The following PAX2 variants were observed in gnomAD, a reference collection of about 807,000 sequenced individuals.
The protein encoded by PAX2 is paired box protein Pax-2.
PAX2 carries 9 observed loss-of-function variants against 41.7 expected under a neutral mutation model. The observed-to-expected ratio is 0.22, with a 90% CI of 0.13 to 0.38. The LOEUF (loss-of-function observed/expected upper bound fraction) is 0.38. Ranked by LOEUF, PAX2 falls within the 10% of genes least tolerant of loss-of-function variation. The pLI, the probability that PAX2 is intolerant of heterozygous loss-of-function variation, is 1.00. For synonymous variants in PAX2, 221 were observed against 212.7 expected (o/e 1.04, Z -0.34); for missense variants, 418 against 531.6 (o/e 0.79, Z 2.10).
chr10:100,749,622 C>G lies in PAX2; in HGVS notation c.44-124C>G, dbSNP rs1324954568. ...CGTGGAGGTCCACCACCTTTCTTCT[C>G]AAGCTCGGGAACATGCCCTTCCGCC... On this transcript the variant is annotated intron_variant, in intron 1 of 9. Transcript: ENST00000355243. 3 of 1,471,584 alleles carry G rather than the reference C, an allele frequency of 2.0e-6. No individual in the cohort carries two copies. The African/African-American group carries it at 4.2e-5, about 21-fold the overall frequency. The allele number at this position is 1,471,584 out of a possible 1,614,324, so 91.2% of individuals were successfully genotyped here. A position where few individuals can be genotyped will look rare whatever the true frequency, so the allele number is the denominator to read the frequency against.
intron 3 of PAX2, among the ~76,000 whole-genome samples, chr10:100,775,037 C>T (rs1052590269): frequency 1.3e-5 from 2 of 152,198 alleles, no homozygotes; most frequent in Non-Finnish European, 2.9e-5. Context: ...AGCAGGCACC[C>T]TGGCAGGGCA....
In PAX2 at chr10:100,779,478, C is replaced by G; in HGVS notation, c.411-20C>G. ...AGGAGTGGGCATTTGATGTGTGATGCTGTTGTGACGCTGTTGCAGAATCAT... is the reference window on the plus strand; with the variant it reads ...AGGAGTGGGCATTTGATGTGTGATGGTGTTGTGACGCTGTTGCAGAATCAT... On this transcript the variant is annotated intron_variant, in intron 3 of 9. Coordinates refer to ENST00000355243, the MANE Select transcript of PAX2 (RefSeq NM_000278.5). 6.4e-7 allele frequency: 1 copy of G among 1,567,376 alleles called. No individual in the cohort carries two copies. The highest frequency in any genetic ancestry group is 8.7e-7 in the Non-Finnish European group (1 of 1,153,080).
intron 5 of PAX2, among the ~76,000 whole-genome samples, chr10:100,799,789 C>CTTTTTTTTTTTTTTT (rs56012188): frequency 2.2e-5 from 2 of 89,896 alleles, no homozygotes; most frequent in Admixed American, 1.3e-4. Context: ...TAGTGTAATT[C>CTTTTTTTTTTTTTTT]TTTTTTTTTT....
intron 1 of PAX2, among the ~76,000 whole-genome samples, chr10:100,738,376 C>T (rs1844842260): frequency 6.6e-6 from 1 of 152,190 alleles, no homozygotes; most frequent in Admixed American, 6.5e-5. Flanking sequence ...CTGCTTAGGG[C>T]AAAGGGAGAG....
Position 100,745,986 on chromosome 10 carries a change from G to A in PAX2, c.-275G>A. ...TGCGCCCCCAGTGCACCCCGGCCCGGCCCACCGCCCCGGGGCCATTCTGCT... is the reference window on the plus strand; with the variant it reads ...TGCGCCCCCAGTGCACCCCGGCCCGACCCACCGCCCCGGGGCCATTCTGCT... On this transcript the variant is annotated 5_prime_UTR_variant, in exon 1 of 10. Coordinates refer to ENST00000355243, the MANE Select transcript of PAX2 (RefSeq NM_000278.5). 2 of 1,341,964 alleles carry A rather than the reference G, an allele frequency of 1.5e-6. No individual in the cohort carries two copies. Among genetic ancestry groups the A allele is most frequent in the Non-Finnish European group, 1.9e-6 (2 of 1,051,362 alleles). The allele number at this position is 1,341,964 out of a possible 1,614,324, so 83.1% of individuals were successfully genotyped here.
In PAX2 at chr10:100,826,556, T is replaced by C. The variant is rs1373105582; in HGVS notation, c.1022-453T>C. On this transcript the variant is annotated intron_variant, in intron 8 of 9. Transcript: ENST00000355243. This position sits in a 1 kb window ranked among gnomAD's most constrained non-coding sequence, Gnocchi z 5.5. Reference sequence around the variant, plus strand: ...TGGCACTGCACATTGATGCCATTCTTAGGACTTTCTGGGAGAAAAATGTCC... The same window carrying C: ...TGGCACTGCACATTGATGCCATTCTCAGGACTTTCTGGGAGAAAAATGTCC... 6.6e-6 allele frequency among the ~76,000 whole-genome samples: 1 copy of C among 152,206 alleles called. No homozygotes were observed. Among genetic ancestry groups the C allele is most frequent in the Non-Finnish European group, 1.5e-5 (1 of 68,034 alleles).
chr10:100,806,541 G>C lies in PAX2; in HGVS notation c.728G>C (p.Arg243Pro), dbSNP rs147636578. ...CAGCAGCAGCTGGAAGCTTTGGATCGGGTCTTTGAGCGTCCTTCCTACCCT... is the reference window on the plus strand; with the variant it reads ...CAGCAGCAGCTGGAAGCTTTGGATCCGGTCTTTGAGCGTCCTTCCTACCCT... ...FTQQQLEALD[R>P]VFERPSYPDV... Residue 243 changes from arginine to proline, a missense_variant, in exon 6 of 10, where the codon CGG (arginine) becomes CCG (proline). Physicochemically the swap from Arg to Pro is moderately radical, Grantham distance 103. Around this residue, in one of 2 missense-constraint regions of PAX2, gnomAD observed 310 missense variants for 325.2 expected, o/e 0.95. Coordinates refer to ENST00000355243, the MANE Select transcript of PAX2 (RefSeq NM_000278.5). 29 of 1,614,078 alleles carry C rather than the reference G, an allele frequency of 1.8e-5. No individual in the cohort carries two copies. Among genetic ancestry groups the C allele is most frequent in the South Asian group, 3.3e-5 (3 of 91,092 alleles).
chr10:100,745,719 TG>T lies in PAX2; in HGVS notation c.-540del. ...CCTGCCTTTTCCGGGGGCGGGGGCCTGGCCCGCGCGCTCCCCTCCCGCAGGC... is the reference window on the plus strand; with the variant it reads ...CCTGCCTTTTCCGGGGGCGGGGGCCTGCCCGCGCGCTCCCCTCCCGCAGGC... On this transcript the variant is annotated 5_prime_UTR_variant, in exon 1 of 10. Transcript: ENST00000355243. The T allele has an allele frequency of 3.1e-6, 3 of 973,684 alleles. No homozygotes were observed. The highest frequency in any genetic ancestry group is 3.7e-6 in the Non-Finnish European group (3 of 812,012). 60.3% of individuals were successfully genotyped at this position (973,684 alleles called of 1,614,324 possible). A position where few individuals can be genotyped will look rare whatever the true frequency, so the allele number is the denominator to read the frequency against.
At chr10:100,754,374 T>A (rs973375033) in intron 3 of PAX2, among the ~76,000 whole-genome samples, 1 of 152,164 alleles carries the variant, frequency 6.6e-6, no homozygotes, top group East Asian at 1.9e-4. Flanking sequence ...ACCTTCTAAC[T>A]TTTTTAGCTT....
intron 5 of PAX2, among the ~76,000 whole-genome samples, chr10:100,804,998 CT>C (rs1847711852): frequency 1.0e-5 from 1 of 99,812 alleles, no homozygotes; most frequent in Non-Finnish European, 2.0e-5. Flanking sequence ...TCTCTCTCTC[CT>C]TCTCTCTCTC....
At chr10:100,804,999 TTCTCTCTC>T (rs55900944) in intron 5 of PAX2, among the ~76,000 whole-genome samples, 9 of 93,680 alleles carry the variant, frequency 9.6e-5, no homozygotes, top group Non-Finnish European at 2.0e-4. Flanking sequence ...CTCTCTCTCC[TTCTCTCTC>T]TCTCTCTCTC....
intron 5 of PAX2, among the ~76,000 whole-genome samples, chr10:100,802,058 AG>A (rs1564734552): frequency 6.6e-6 from 1 of 152,204 alleles, no homozygotes. Flanking sequence ...GGAGCTGGGC[AG>A]GGGGCAGACG....
intron 5 of PAX2, among the ~76,000 whole-genome samples, chr10:100,802,617 A>G (rs1290139330): frequency 1.3e-5 from 2 of 152,172 alleles, no homozygotes; most frequent in Non-Finnish European, 2.9e-5. Context: ...TGCCAGAGGT[A>G]TGGCTTTGAA....
intron 7 of PAX2, among the ~76,000 whole-genome samples, chr10:100,821,467 T>G (rs1848379083): frequency 6.6e-6 from 1 of 152,208 alleles, no homozygotes; most frequent in African/African-American, 2.4e-5. Flanking sequence ...TTTTAAAAAT[T>G]TCTACATGGC....
chr10:100,759,600 G>A, intron 3 of PAX2, among the ~76,000 whole-genome samples: 1 of 152,210 alleles, frequency 6.6e-6, no homozygotes, highest in Non-Finnish European at 1.5e-5. Context: ...AGTCCTGCCT[G>A]AACCACAGAT....
intron 7 of PAX2, among the ~76,000 whole-genome samples, chr10:100,823,476 C>A (rs1848435989): frequency 6.6e-6 from 1 of 152,076 alleles, no homozygotes; most frequent in Admixed American, 6.6e-5. Context: ...TTTGGAATAG[C>A]CATTGGGAGA....
intron 3 of PAX2, among the ~76,000 whole-genome samples, chr10:100,772,584 C>T (rs1272133308): frequency 4.6e-5 from 7 of 152,244 alleles, no homozygotes. Flanking sequence ...GGCACATTTT[C>T]TACCCTGGAG....
intron 7 of PAX2, among the ~76,000 whole-genome samples, chr10:100,819,267 G>GGGGC (rs1848301103): frequency 6.8e-6 from 1 of 147,584 alleles, no homozygotes; most frequent in African/African-American, 2.5e-5. Flanking sequence ...AAAGGGGGGG[G>GGGGC]AGTTTAAAAA....
At chr10:100,820,904 TA>T (rs1306844861) in intron 7 of PAX2, among the ~76,000 whole-genome samples, 13 of 152,254 alleles carry the variant, frequency 8.5e-5, no homozygotes, top group Non-Finnish European at 1.9e-4. Context: ...ACATATTTTA[TA>T]ACTGATGTAT....
Sources: allele counts gnomAD v4.1 joint callset (sites outside exome capture counted in the v4.1 genomes callset), GRCh38; gene constraint gnomAD v4.1.1; regional missense constraint gnomAD v4.1.1; non-coding constraint Gnocchi (gnomAD v3.1); transcripts MANE v1.5; gene names NCBI Gene and HGNC (gene_info 2026-07-23, HGNC 2026-07-21).